Variants in CCNI observed in about 807,000 individuals in gnomAD.
CCNI encodes the protein cyclin I, also known as cyclin-I.
CCNI carries 14 observed loss-of-function variants against 34.1 expected under a neutral mutation model. That is an observed-to-expected ratio of 0.41 (90% confidence interval 0.27 to 0.64). The LOEUF (loss-of-function observed/expected upper bound fraction) is 0.64. Ranked by LOEUF, CCNI falls within the 30% of genes least tolerant of loss-of-function variation. The pLI is 0.31. For missense variants in CCNI, 385 were observed against 440.5 expected, an observed-to-expected ratio of 0.87 and a Z score of 1.13; for synonymous variants, 154 against 158.4, an observed-to-expected ratio of 0.97 and a Z score of 0.21.
intron 2 of CCNI, among the ~76,000 whole-genome samples, chr4:77,064,560 C>T (rs1285871508): frequency 6.9e-6 from 1 of 144,342 alleles, no homozygotes; most frequent in Admixed American, 7.1e-5. Flanking sequence ...CCCAACTAAT[C>T]TAAAAATCAC....
chr4:77,070,113 G>A (rs1729348556), intron 1 of CCNI, among the ~76,000 whole-genome samples: 1 of 151,360 alleles, frequency 6.6e-6, no homozygotes, highest in Non-Finnish European at 1.5e-5. Flanking sequence ...CACCTCCTGG[G>A]TTCAAGTGAT....
At chr4:77,063,562 C>T (rs1221235984) in intron 2 of CCNI, among the ~76,000 whole-genome samples, 5 of 151,312 alleles carry the variant, frequency 3.3e-5, no homozygotes, top group East Asian at 1.9e-4. Flanking sequence ...TTGTGGCGGG[C>T]GCCTGTAGTC....
chr4:77,058,214 G>C (rs750318766), intron 3 of CCNI, among the ~76,000 whole-genome samples: 31 of 152,166 alleles, frequency 2.0e-4, no homozygotes, highest in Non-Finnish European at 3.5e-4. Context: ...AATTAGACTG[G>C]CATGGTGGCA....
chr4:77,069,287 C>T (rs574005787), intron 1 of CCNI, among the ~76,000 whole-genome samples: 52 of 152,146 alleles, frequency 3.4e-4, no homozygotes, highest in Non-Finnish European at 5.4e-4. Context: ...CGTGGTGGCA[C>T]GTGCCTGTGG....
chr4:77,047,991 A>C lies in CCNI; in HGVS notation c.*228T>G. The stretch of plus-strand genomic sequence containing the variant: ...AAAGAGATTTTTTAAGTTTAAAAAA[A>C]GTTTGGATCTTTTGGATTTCTTTTT... On this transcript the variant is annotated 3_prime_UTR_variant, in exon 7 of 7. Coordinates refer to ENST00000237654, the MANE Select transcript of CCNI (RefSeq NM_006835.3). 1 of 390,818 alleles carries C rather than the reference A, an allele frequency of 2.6e-6. No individual in the cohort carries two copies. The highest frequency in any genetic ancestry group is 4.6e-6 in the Non-Finnish European group (1 of 218,864). The allele number at this position is 390,818 out of a possible 1,614,324, so 24.2% of individuals were successfully genotyped here. A position where few individuals can be genotyped will look rare whatever the true frequency, so the allele number is the denominator to read the frequency against.
chr4:77,070,299 G>A (rs1389446748), intron 1 of CCNI, among the ~76,000 whole-genome samples: 1 of 151,364 alleles, frequency 6.6e-6, no homozygotes, highest in Admixed American at 6.6e-5. Context: ...GTACTGGCAT[G>A]AGCCACCACT....
intron 6 of CCNI, among the ~76,000 whole-genome samples, chr4:77,052,027 T>C (rs914372964): frequency 1.3e-5 from 2 of 151,794 alleles, no homozygotes; most frequent in Admixed American, 1.3e-4. Context: ...TAGATATATA[T>C]TGCATGATGC....
At chr4:77,051,525 A>G (rs1479881441) in intron 6 of CCNI, among the ~76,000 whole-genome samples, 1 of 152,222 alleles carries the variant, frequency 6.6e-6, no homozygotes, top group Non-Finnish European at 1.5e-5. Context: ...ATTATTCAAA[A>G]CAAAACCATC....
intron 3 of CCNI, among the ~76,000 whole-genome samples, chr4:77,056,786 G>T (rs1304921629): frequency 6.6e-6 from 1 of 151,802 alleles, no homozygotes; most frequent in East Asian, 1.9e-4. Flanking sequence ...AGAGACGGGG[G>T]TTTCACTGTG....
chr4:77,068,384 A>G (rs556680375), intron 1 of CCNI, among the ~76,000 whole-genome samples: 7 of 152,238 alleles, frequency 4.6e-5, no homozygotes, highest in Non-Finnish European at 8.8e-5. Context: ...AGACATAACT[A>G]TGGATATTGG....
In CCNI at chr4:77,075,713, G is replaced by A; in HGVS notation, c.-285C>T. On this transcript the variant is annotated 5_prime_UTR_variant, in exon 1 of 7. Transcript: ENST00000237654. ...GGCCGCTGGGTCGGTCAGCGAATTA[G>A]TTCCATGATGACCCCCGGCCTGAGG... is the stretch of plus-strand genomic sequence containing the variant. 1 of 282,374 alleles carries A rather than the reference G, an allele frequency of 3.5e-6. No homozygotes were observed. Among genetic ancestry groups the A allele is most frequent in the Non-Finnish European group, 5.4e-6 (1 of 186,862 alleles). The allele number at this position is 282,374 out of a possible 1,614,324, so 17.5% of individuals were successfully genotyped here. A position where few individuals can be genotyped will look rare whatever the true frequency, so the allele number is the denominator to read the frequency against.
At chr4:77,062,134 A>T (rs1258035991) in intron 2 of CCNI, among the ~76,000 whole-genome samples, 1 of 148,808 alleles carries the variant, frequency 6.7e-6, no homozygotes, top group Non-Finnish European at 1.5e-5. Context: ...CTTCTCTCTC[A>T]CCTGCCTTAT....
At position 77,062,182 on chromosome 4, in the gene CCNI, G is replaced by A. The variant is rs576132772; in HGVS notation, c.115-3547C>T. ...GAGAGCTATTTTGATGTTACTCCCC[G>A]CCAGATACTTTTCCTGATAATTCAA... is the stretch of plus-strand genomic sequence containing the variant. On this transcript the variant is annotated intron_variant, in intron 2 of 6. Transcript: ENST00000237654. Among the ~76,000 whole-genome samples the A allele has an allele frequency of 2.5e-4, 38 of 152,154 alleles. 1 individual carries two copies. In the South Asian group the frequency reaches 7.5e-3, roughly 30 times the overall value.
At chr4:77,058,398 G>T in intron 3 of CCNI, 109 bp downstream of exon 3, 1 of 751,658 alleles carries the variant, frequency 1.3e-6, no homozygotes, top group Non-Finnish European at 2.1e-6. Flanking sequence ...TCATTCTCCA[G>T]CAAAGTTCTC....
At chr4:77,073,716 G>T (rs371686594) in intron 1 of CCNI, among the ~76,000 whole-genome samples, 6 of 152,182 alleles carry the variant, frequency 3.9e-5, no homozygotes, top group African/African-American at 1.4e-4. Context: ...AAGACTCTCT[G>T]GATTTGTGCA....
intron 2 of CCNI, among the ~76,000 whole-genome samples, chr4:77,062,192 T>C (rs1728659345): frequency 6.6e-6 from 1 of 152,198 alleles, no homozygotes; most frequent in South Asian, 2.1e-4. Flanking sequence ...GCCAGATACT[T>C]TTCCTGATAA....
intron 6 of CCNI, among the ~76,000 whole-genome samples, chr4:77,052,069 C>G (rs1037426620): frequency 6.6e-6 from 1 of 151,844 alleles, no homozygotes; most frequent in African/African-American, 2.4e-5. Context: ...TCCTGTCAAC[C>G]AGGTAGTGAG....
rs1281222538 is a variant in CCNI at position 77,055,236 on chromosome 4, G to T, written c.604C>A (p.Leu202Ile). 9 of 1,614,096 alleles carry T rather than the reference G, an allele frequency of 5.6e-6. No individual in the cohort carries two copies. In the South Asian group the frequency reaches 8.8e-5, roughly 16 times the overall value. Residue 202 changes from leucine to isoleucine, a missense_variant, in exon 6 of 7, where the codon CTT becomes ATT. This residue lies in a region of CCNI where 250 missense variants were observed against 248.7 expected (regional missense o/e 1.01). Transcript: ENST00000237654. ...TCCAGACTAACCATGGCCAGAGCAA[G>T]CATGGATCCTCTGAATTGCAGAAGT... Reference protein sequence around the residue: ...NQLLQFRGSMLALAMVSLEME... With the variant: ...NQLLQFRGSMIALAMVSLEME...
intron 3 of CCNI, among the ~76,000 whole-genome samples, chr4:77,057,784 A>G (rs1315242655): frequency 6.6e-6 from 1 of 152,216 alleles, no homozygotes; most frequent in Non-Finnish European, 1.5e-5. Context: ...CGTAGAAAGC[A>G]CTTTGTTTTT....
Sources: gnomAD v4.1 joint callset for allele counts (sites outside exome capture counted in the v4.1 genomes callset) on GRCh38, gnomAD v4.1.1 for gene constraint, gnomAD v4.1.1 regional missense constraint, MANE v1.5 for transcripts, NCBI Gene and HGNC (gene_info 2026-07-23, HGNC 2026-07-21) for gene names.